Variants in RGS6 observed in about 807,000 individuals in gnomAD.
RGS6 encodes the protein regulator of G-protein signaling 6.
A neutral mutation model predicts 78.5 loss-of-function variants in RGS6; 30 were observed. The observed-to-expected ratio is 0.38, with a 90% CI of 0.29 to 0.52. The LOEUF (loss-of-function observed/expected upper bound fraction) is 0.52. RGS6 is among the 20% of genes least tolerant of loss of function. The pLI, the probability that RGS6 is intolerant of heterozygous loss-of-function variation, is 0.85. For missense variants in RGS6, 495 were observed against 609.7 expected, an observed-to-expected ratio of 0.81 and a Z score of 1.98; for synonymous variants, 206 against 206.0, an observed-to-expected ratio of 1.00 and a Z score of 0.00.
At chr14:72,554,180 T>G (rs1336996177) in intron 17 of RGS6, among the ~76,000 whole-genome samples, 1 of 152,216 alleles carries the variant, frequency 6.6e-6, no homozygotes, top group East Asian at 1.9e-4. Flanking sequence ...TATGCTTTTG[T>G]GGGGGGATGA....
At chr14:72,234,343 AC>A (rs1405037452) in intron 2 of RGS6, among the ~76,000 whole-genome samples, 2 of 152,040 alleles carry the variant, frequency 1.3e-5, no homozygotes, top group Non-Finnish European at 2.9e-5. Context: ...TGGGAAACTG[AC>A]ACATACTATC....
At chr14:72,447,776 C>T (rs2095402747) in intron 3 of RGS6, among the ~76,000 whole-genome samples, 1 of 152,148 alleles carries the variant, frequency 6.6e-6, no homozygotes, top group South Asian at 2.1e-4. Context: ...GATCTCGGCT[C>T]ACTACAACCT....
chr14:72,542,539 G>C (rs570779307), intron 17 of RGS6, among the ~76,000 whole-genome samples: 66 of 152,224 alleles, frequency 4.3e-4, no homozygotes, highest in African/African-American at 1.5e-3. Flanking sequence ...CTGTGTTGCT[G>C]GGAAAGATGT....
At chr14:72,416,162 A>AG (rs2093797563) in intron 3 of RGS6, among the ~76,000 whole-genome samples, 1 of 149,382 alleles carries the variant, frequency 6.7e-6, no homozygotes, top group African/African-American at 2.5e-5. Context: ...AAAAAAAAAA[A>AG]GTTTATTCCT....
intron 13 of RGS6, among the ~76,000 whole-genome samples, chr14:72,508,659 T>A (rs2153443262): frequency 6.7e-6 from 1 of 149,084 alleles, no homozygotes; most frequent in East Asian, 2.0e-4. Context: ...CATGATTTAA[T>A]CTCTTACTGT....
intron 11 of RGS6, among the ~76,000 whole-genome samples, chr14:72,477,865 C>T (rs2096278205): frequency 6.6e-6 from 1 of 151,700 alleles, no homozygotes; most frequent in Non-Finnish European, 1.5e-5. Context: ...TCCAGTCAAG[C>T]ATGCCAAGGA....
At chr14:72,611,290 C>T in the RGS6 span, among the ~76,000 whole-genome samples, 2,942 of 152,304 alleles carry the variant, frequency 0.019, 78 homozygotes, top group African/African-American at 0.068. Flanking sequence ...ATGAAACAAA[C>T]GGTTTATTCC....
At chr14:72,147,501 T>C (rs1440157991) in intron 2 of RGS6, among the ~76,000 whole-genome samples, 1 of 152,202 alleles carries the variant, frequency 6.6e-6, no homozygotes, top group Non-Finnish European at 1.5e-5. Context: ...CAAACCACTC[T>C]TGCAATAATG....
At chr14:72,083,383 A>G (rs767122675) in intron 2 of RGS6, among the ~76,000 whole-genome samples, 10 of 152,182 alleles carry the variant, frequency 6.6e-5, no homozygotes, top group Non-Finnish European at 1.5e-4. Flanking sequence ...TAAGCCTTCT[A>G]CAGTGCATGG....
intron 6 of RGS6, among the ~76,000 whole-genome samples, chr14:72,460,930 C>T (rs1479882946): frequency 6.6e-6 from 1 of 151,806 alleles, no homozygotes; most frequent in African/African-American, 2.4e-5. Flanking sequence ...GCGAGTTGTA[C>T]CTACTAAGGC....
chr14:72,343,461 G>A (rs1277803740), intron 2 of RGS6, among the ~76,000 whole-genome samples: 1 of 152,144 alleles, frequency 6.6e-6, no homozygotes, highest in African/African-American at 2.4e-5. Context: ...GGATAACCAG[G>A]GTCATCTCCC....
intron 2 of RGS6, among the ~76,000 whole-genome samples, chr14:72,185,699 C>G (rs944247868): frequency 2.0e-5 from 3 of 152,164 alleles, no homozygotes; most frequent in Non-Finnish European, 2.9e-5. Context: ...AATCCCAACA[C>G]TTTGGGAGGC....
intron 2 of RGS6, among the ~76,000 whole-genome samples, chr14:72,233,048 T>G (rs2050059676): frequency 6.6e-6 from 1 of 152,196 alleles, no homozygotes; most frequent in African/African-American, 2.4e-5. Flanking sequence ...CTGAAGAAGC[T>G]GTAGCCTGGA....
At chr14:72,456,396 T>TCTTC (rs1344571504) in intron 4 of RGS6, among the ~76,000 whole-genome samples, 1 of 152,210 alleles carries the variant, frequency 6.6e-6, no homozygotes, top group Non-Finnish European at 1.5e-5. Context: ...GCCCAAGCCA[T>TCTTC]CTTCCACCTC....
At chr14:72,227,545 C>T (rs2048409270) in intron 2 of RGS6, among the ~76,000 whole-genome samples, 1 of 152,234 alleles carries the variant, frequency 6.6e-6, no homozygotes, top group Admixed American at 6.5e-5. Flanking sequence ...TTTGAGGCCC[C>T]TTCCCAATGC....
intron 2 of RGS6, among the ~76,000 whole-genome samples, chr14:72,098,016 G>A (rs992030288): frequency 2.0e-5 from 3 of 152,050 alleles, no homozygotes; most frequent in African/African-American, 7.2e-5. Context: ...ACCTCTCCTG[G>A]ACCCACACAT....
intron 2 of RGS6, among the ~76,000 whole-genome samples, chr14:72,165,655 G>A (rs564429688): frequency 2.4e-4 from 36 of 152,180 alleles, no homozygotes; most frequent in Non-Finnish European, 1.9e-4. Context: ...CCAGCACGTC[G>A]TTTTCTGAAA....
the RGS6 span, among the ~76,000 whole-genome samples, chr14:71,910,483 A>G: frequency 6.6e-6 from 1 of 152,240 alleles, no homozygotes; most frequent in African/African-American, 2.4e-5. Context: ...CCAGTGTTCT[A>G]AGTCACTGCT....
intron 3 of RGS6, among the ~76,000 whole-genome samples, chr14:72,423,035 T>C (rs1475779271): frequency 1.3e-5 from 2 of 152,190 alleles, no homozygotes; most frequent in Non-Finnish European, 2.9e-5. Context: ...AGAAAAAGAC[T>C]ATCAAGAGTA....
Sources: gnomAD v4.1 joint callset for allele counts (sites outside exome capture counted in the v4.1 genomes callset) on GRCh38, gnomAD v4.1.1 for gene constraint, MANE v1.5 for transcripts, NCBI Gene and HGNC (gene_info 2026-07-23, HGNC 2026-07-21) for gene names.